The following ATXN8OS variants were observed in gnomAD, a reference collection of about 807,000 sequenced individuals.
The protein encoded by ATXN8OS is ATXN8 opposite strand lncRNA, also known as ATXN8 opposite strand (non-protein coding).
chr13:70,141,063 T>A (rs1243574260), intron 3 of ATXN8OS, among the ~76,000 whole-genome samples: 10 of 152,178 alleles, frequency 6.6e-5, no homozygotes, highest in Non-Finnish European at 1.3e-4. Flanking sequence ...TATTTAGTGA[T>A]GAGTTTGAAG....
At chr13:70,139,258 C>T in intron 3 of ATXN8OS, 2 of 457,722 alleles carry the variant, frequency 4.4e-6, no homozygotes, top group Non-Finnish European at 7.7e-6. Flanking sequence ...TTTCTGACTC[C>T]CAGCTTCCAC....
intron 3 of ATXN8OS, among the ~76,000 whole-genome samples, chr13:70,132,254 G>A (rs1346181114): frequency 6.6e-6 from 1 of 151,100 alleles, no homozygotes; most frequent in South Asian, 2.1e-4. Flanking sequence ...TAAAGAAAAT[G>A]TGGCATATAT....
chr13:70,166,736 T>C (rs545545213), intron 4 of ATXN8OS, among the ~76,000 whole-genome samples: 3 of 152,052 alleles, frequency 2.0e-5, no homozygotes, highest in South Asian at 2.1e-4. Flanking sequence ...AAAGGCAACC[T>C]ACACAATGGG....
At chr13:70,143,386 A>G (rs1888741937) in intron 3 of ATXN8OS, among the ~76,000 whole-genome samples, 2 of 152,180 alleles carry the variant, frequency 1.3e-5, no homozygotes, top group South Asian at 4.1e-4. Flanking sequence ...CATCAGTAAT[A>G]AATCTAAAAA....
chr13:70,160,228 A>G (rs1433278320), intron 4 of ATXN8OS, among the ~76,000 whole-genome samples: 1 of 152,154 alleles, frequency 6.6e-6, no homozygotes, highest in Non-Finnish European at 1.5e-5. Flanking sequence ...TGTATATTAT[A>G]TATTTTTCAA....
At position 70,164,015 on chromosome 13, in the gene ATXN8OS, A is replaced by AT. The variant is rs1367247727; in HGVS notation, n.574-5730dup. Among the ~76,000 whole-genome samples, 9 of 143,326 alleles carry AT rather than the reference A, an allele frequency of 6.3e-5. 1 individual carries two copies. The highest frequency in any genetic ancestry group is 2.2e-4 in the South Asian group (1 of 4,524). The allele number at this position is 143,326 out of a possible 152,430, so 94.0% of individuals were successfully genotyped here. A position where few individuals can be genotyped will look rare whatever the true frequency, so the allele number is the denominator to read the frequency against. On this transcript the variant is annotated intron_variant and non_coding_transcript_variant, in intron 4 of 4. Coordinates refer to ENST00000678624, the Ensembl canonical transcript of ATXN8OS. Reference sequence around the variant, plus strand: ...GTGTAGGGTGCTTGAATCAGTTTTTATTTTTTTTCTCCTAGAATTGTAAGC... The same window carrying AT: ...GTGTAGGGTGCTTGAATCAGTTTTTATTTTTTTTTCTCCTAGAATTGTAAGC...
At chr13:70,108,035 G>T in intron 1 of ATXN8OS, 1 of 429,888 alleles carries the variant, frequency 2.3e-6, no homozygotes, top group Non-Finnish European at 4.1e-6. Context: ...ACAACCCTTA[G>T]GCTGGAGATG....
At chr13:70,145,759 A>G (rs1168161783) in intron 3 of ATXN8OS, among the ~76,000 whole-genome samples, 1 of 152,090 alleles carries the variant, frequency 6.6e-6, no homozygotes, top group Non-Finnish European at 1.5e-5. Context: ...GGGCTGAGAC[A>G]ATGGGGTTTT....
At chr13:70,158,621 A>G (rs2137503327) in intron 4 of ATXN8OS, among the ~76,000 whole-genome samples, 1 of 152,328 alleles carries the variant, frequency 6.6e-6, no homozygotes, top group South Asian at 2.1e-4. Flanking sequence ...TATTTTGGGT[A>G]TTGCATTCCG....
Position 70,159,910 on chromosome 13 carries a change from T to C in ATXN8OS, n.574-9843T>C, listed in dbSNP as rs542085368. Among the ~76,000 whole-genome samples the C allele has an allele frequency of 7.9e-5, 12 of 152,334 alleles. 1 individual carries two copies. In the East Asian group the frequency reaches 2.1e-3, roughly 27 times the overall value. On this transcript the variant is annotated intron_variant and non_coding_transcript_variant, in intron 4 of 4. Coordinates refer to ENST00000678624, the Ensembl canonical transcript of ATXN8OS. ...TAATAAATTGAATGTGTATGTACAG[T>C]GTGTTTGTCCATTCATCGATTGATG...
In ATXN8OS at chr13:70,116,672, G is replaced by A. The variant is rs148846612; in HGVS notation, n.398+1374G>A. ...ATTGGAGGATTTGGAGCATTGGAGT[G>A]ATAGCATCTGACTTCCATTTTCTAA... is the stretch of plus-strand genomic sequence containing the variant. On this transcript the variant is annotated intron_variant and non_coding_transcript_variant, in intron 2 of 4. Transcript: ENST00000678624. Among the ~76,000 whole-genome samples, 654 of 152,260 alleles carry A rather than the reference G, an allele frequency of 4.3e-3. 5 individuals are homozygous for A. The highest frequency in any genetic ancestry group is 5.8e-3 in the Non-Finnish European group (391 of 67,988).
chr13:70,158,631 G>GT (rs1888965164), intron 4 of ATXN8OS, among the ~76,000 whole-genome samples: 1 of 152,142 alleles, frequency 6.6e-6, no homozygotes. Context: ...ATTGCATTCC[G>GT]TATAGTCTCT....
At chr13:70,157,292 A>T (rs1354479973) in intron 4 of ATXN8OS, among the ~76,000 whole-genome samples, 2 of 152,146 alleles carry the variant, frequency 1.3e-5, no homozygotes, top group Non-Finnish European at 2.9e-5. Context: ...GTTTTGACAA[A>T]CTGATAGGAG....
At chr13:70,153,239 C>T (rs1281874007) in intron 4 of ATXN8OS, among the ~76,000 whole-genome samples, 1 of 152,090 alleles carries the variant, frequency 6.6e-6, no homozygotes. Flanking sequence ...AATTTTTTGG[C>T]ATCCTTTTTG....
intron 4 of ATXN8OS, among the ~76,000 whole-genome samples, chr13:70,157,915 A>G (rs1434295426): frequency 6.6e-6 from 1 of 152,204 alleles, no homozygotes. Flanking sequence ...CCATGATTTA[A>G]AATTTCCAAT....
chr13:70,115,604 G>A (rs1245637012), intron 2 of ATXN8OS, among the ~76,000 whole-genome samples: 1 of 152,058 alleles, frequency 6.6e-6, no homozygotes, highest in African/African-American at 2.4e-5. Context: ...TGGTTCTGCA[G>A]GGCAAAGAAC....
chr13:70,128,034 A>G (rs540782084), intron 2 of ATXN8OS, among the ~76,000 whole-genome samples: 9 of 151,908 alleles, frequency 5.9e-5, no homozygotes, highest in Non-Finnish European at 1.2e-4. Flanking sequence ...ATTAAATTAT[A>G]TATAATTCAT....
At chr13:70,139,099 G>A (rs1365341134) in intron 3 of ATXN8OS, 1 of 400,290 alleles carries the variant, frequency 2.5e-6, no homozygotes, top group African/African-American at 2.1e-5. Flanking sequence ...ATCATATTTT[G>A]GTAAATAATA....
rs1888112270 is a variant in ATXN8OS, at chr13:70,107,812, G to A, written n.33G>A. On this transcript the variant is annotated non_coding_transcript_exon_variant, in exon 1 of 5. Coordinates refer to ENST00000678624, the Ensembl canonical transcript of ATXN8OS. The stretch of plus-strand genomic sequence containing the variant: ...GAGGAAGAGGCGGGATGCGCCCTCT[G>A]CACCCCTAGAGCCAGAAGACGCTAG... 2.0e-5 allele frequency: 16 copies of A among 790,516 alleles called. No individual in the cohort carries two copies. In the South Asian group the frequency reaches 2.7e-4, roughly 13 times the overall value. The allele number at this position is 790,516 out of a possible 1,614,324, so 49.0% of individuals were successfully genotyped here.
Sources: allele counts gnomAD v4.1 joint callset (sites outside exome capture counted in the v4.1 genomes callset), GRCh38; gene constraint gnomAD v4.1.1; transcripts MANE v1.5; gene names NCBI Gene and HGNC (gene_info 2026-07-23, HGNC 2026-07-21).